Variants in TNRC6A observed in about 807,000 individuals in gnomAD.
The protein encoded by TNRC6A is trinucleotide repeat-containing gene 6A protein.
TNRC6A carries 44 observed loss-of-function variants against 221.2 expected under a neutral mutation model. The ratio of observed to expected loss-of-function variants is 0.20; its 90% CI spans 0.16 to 0.26. TNRC6A has a LOEUF of 0.26. TNRC6A is among the 10% of genes least tolerant of loss of function. The probability of loss-of-function intolerance (pLI) is 1.00; values close to 1 mark genes in which losing one functional copy is unlikely to be tolerated. For missense variants in TNRC6A, 2,199 were observed against 2,404.4 expected (o/e 0.91, Z 1.79); for synonymous variants, 847 against 838.5 (o/e 1.01, Z -0.18).
intron 2 of TNRC6A, among the ~76,000 whole-genome samples, chr16:24,657,438 G>A (rs184189892): frequency 6.6e-6 from 1 of 151,920 alleles, no homozygotes; most frequent in Non-Finnish European, 1.5e-5. Flanking sequence ...AGGCCGGGCA[G>A]GCGGCTCATG....
chr16:24,734,534 C>T (rs976783224), intron 2 of TNRC6A, among the ~76,000 whole-genome samples: 1 of 152,180 alleles, frequency 6.6e-6, no homozygotes, highest in African/African-American at 2.4e-5. Flanking sequence ...GATCAGCCAG[C>T]ATTCTGACTT....
chr16:24,634,306 C>T (rs1403855341), intron 1 of TNRC6A, among the ~76,000 whole-genome samples: 6 of 151,936 alleles, frequency 3.9e-5, no homozygotes, highest in African/African-American at 9.7e-5. Flanking sequence ...GGTGCATGCC[C>T]GTAGTCCCAG....
In TNRC6A at chr16:24,778,263, T is replaced by A. The variant is rs369071584; in HGVS notation, c.589+905T>A. ...AGTCTTTCCTAACTGTGCCAGGTAG[T>A]TACTCACTTTCTATACCTGTGCTCT... On this transcript the variant is annotated intron_variant, in intron 5 of 24. Coordinates refer to ENST00000395799, the MANE Select transcript of TNRC6A (RefSeq NM_014494.4). 55 of 984,410 alleles carry A rather than the reference T, an allele frequency of 5.6e-5. 1 individual carries two copies. Among genetic ancestry groups the A allele is most frequent in the Middle Eastern group, 5.2e-4 (1 of 1,936 alleles). The allele number at this position is 984,410 out of a possible 1,614,324, so 61.0% of individuals were successfully genotyped here. A position where few individuals can be genotyped will look rare whatever the true frequency, so the allele number is the denominator to read the frequency against.
intron 2 of TNRC6A, among the ~76,000 whole-genome samples, chr16:24,714,922 G>A (rs1467469741): frequency 1.3e-5 from 2 of 150,652 alleles, no homozygotes; most frequent in African/African-American, 4.9e-5. Flanking sequence ...TGTCACCCAG[G>A]CTGGAGTGCA....
chr16:24,689,618 G>A (rs1290327078), intron 2 of TNRC6A, among the ~76,000 whole-genome samples: 1 of 152,154 alleles, frequency 6.6e-6, no homozygotes, highest in Non-Finnish European at 1.5e-5. Context: ...CACTGGGCTA[G>A]CCACTAGGGA....
intron 2 of TNRC6A, among the ~76,000 whole-genome samples, chr16:24,701,630 T>C (rs949971589): frequency 2.6e-5 from 4 of 152,178 alleles, no homozygotes; most frequent in Non-Finnish European, 5.9e-5. Context: ...CCTCCCAAAG[T>C]GCTCGGATTA....
chr16:24,812,987 C>G (rs542796281), intron 18 of TNRC6A, among the ~76,000 whole-genome samples: 4 of 151,010 alleles, frequency 2.6e-5, no homozygotes, highest in South Asian at 2.1e-4. Flanking sequence ...ATGACCCCCC[C>G]ACCTCAGCCT....
At chr16:24,695,996 T>C (rs576038962) in intron 2 of TNRC6A, among the ~76,000 whole-genome samples, 1 of 152,160 alleles carries the variant, frequency 6.6e-6, no homozygotes, top group Non-Finnish European at 1.5e-5. Context: ...TGTTATTGAC[T>C]CAAGAAGGGA....
At chr16:24,669,904 C>T (rs1416694029) in intron 2 of TNRC6A, among the ~76,000 whole-genome samples, 2 of 140,274 alleles carry the variant, frequency 1.4e-5, no homozygotes, top group Non-Finnish European at 3.1e-5. Flanking sequence ...TATGCATCCA[C>T]TCATTTTGTT....
intron 1 of TNRC6A, among the ~76,000 whole-genome samples, chr16:24,625,861 G>A (rs1199343011): frequency 1.3e-5 from 2 of 151,972 alleles, no homozygotes; most frequent in African/African-American, 2.4e-5. Context: ...GCAGTGAGCC[G>A]AGATCGCACC....
chr16:24,619,797 C>T (rs1378926377), intron 1 of TNRC6A, among the ~76,000 whole-genome samples: 1 of 152,008 alleles, frequency 6.6e-6, no homozygotes, highest in African/African-American at 2.4e-5. Flanking sequence ...TGAGAGACCG[C>T]AGGAGCAGAT....
At chr16:24,730,002 C>T (rs185924119) in intron 1 of TNRC6A, among the ~76,000 whole-genome samples, 156 bp downstream of exon 1, 1 of 147,818 alleles carries the variant, frequency 6.8e-6, no homozygotes, top group Non-Finnish European at 1.5e-5. Flanking sequence ...CTGCGGAGGC[C>T]GAGCGGGCGG....
intron 2 of TNRC6A, among the ~76,000 whole-genome samples, chr16:24,664,433 T>C (rs2055101667): frequency 7.0e-6 from 1 of 143,324 alleles, no homozygotes; most frequent in East Asian, 2.0e-4. Context: ...TTAATAAATA[T>C]GAATATAATA....
At chr16:24,613,347 T>C (rs975008924) in intron 1 of TNRC6A, among the ~76,000 whole-genome samples, 1 of 151,884 alleles carries the variant, frequency 6.6e-6, no homozygotes, top group Non-Finnish European at 1.5e-5. Context: ...TTTCAGACTG[T>C]GTTAGATGAG....
At chr16:24,641,222 C>T (rs1412657279) in intron 2 of TNRC6A, among the ~76,000 whole-genome samples, 2 of 152,194 alleles carry the variant, frequency 1.3e-5, no homozygotes, top group Non-Finnish European at 1.5e-5. Flanking sequence ...CCCCACGTCA[C>T]CTTCTGAAGG....
At chr16:24,679,574 T>C (rs1203568967) in intron 2 of TNRC6A, among the ~76,000 whole-genome samples, 2 of 152,036 alleles carry the variant, frequency 1.3e-5, no homozygotes, top group East Asian at 3.9e-4. Context: ...CCTCCTGAGT[T>C]CTAGCAATTC....
chr16:24,646,375 C>T (rs916144201), intron 2 of TNRC6A, among the ~76,000 whole-genome samples: 2 of 152,176 alleles, frequency 1.3e-5, no homozygotes, highest in African/African-American at 4.8e-5. Context: ...CCATTCATTG[C>T]CTTCTATTTC....
At chr16:24,798,949 T>G (rs2058274738) in intron 11 of TNRC6A, among the ~76,000 whole-genome samples, 1 of 152,218 alleles carries the variant, frequency 6.6e-6, no homozygotes, top group Non-Finnish European at 1.5e-5. Flanking sequence ...CCTCTCACTA[T>G]GGTGCCATGC....
chr16:24,795,215 T>C (rs1165394720), intron 8 of TNRC6A, among the ~76,000 whole-genome samples: 1 of 152,232 alleles, frequency 6.6e-6, no homozygotes, highest in Non-Finnish European at 1.5e-5. Flanking sequence ...TGCTTTTATG[T>C]GTGGACAAAT....
Sources: gnomAD v4.1 joint callset for allele counts (sites outside exome capture counted in the v4.1 genomes callset) on GRCh38, gnomAD v4.1.1 for gene constraint, MANE v1.5 for transcripts, NCBI Gene and HGNC (gene_info 2026-07-23, HGNC 2026-07-21) for gene names.